The following ZSCAN32 variants were observed in gnomAD, a reference collection of about 807,000 sequenced individuals.
ZSCAN32 encodes zinc finger and SCAN domain containing 32, also known as zinc finger and SCAN domain-containing protein 32.
In ZSCAN32, 52 loss-of-function variants were observed where a neutral mutation model predicts 47.4. That is an observed-to-expected ratio of 1.10 (90% confidence interval 0.88 to 1.38). The LOEUF (loss-of-function observed/expected upper bound fraction) is 1.38, where lower values mean the gene tolerates loss of function less well. Among genes scored for constraint, ZSCAN32 ranks in the 40% most tolerant of loss-of-function variants. The probability of loss-of-function intolerance (pLI) is 0.00; values close to 1 mark genes in which losing one functional copy is unlikely to be tolerated. For synonymous variants in ZSCAN32, 346 were observed against 305.7 expected (o/e 1.13, Z -1.38); for missense variants, 959 against 846.0 (o/e 1.13, Z -1.66).
Position 3,382,989 on chromosome 16 carries a change from T to C in ZSCAN32, c.1957A>G (p.Lys653Glu), listed in dbSNP as rs760474370. Reference protein sequence around the residue: ...NNSSHFSAHRKTHTGEKPYRC... With the variant: ...NNSSHFSAHRETHTGEKPYRC... ...TAAGGCTTTTCACCAGTGTGGGTTT[T>C]TCGGTGGGCACTGAAGTGGGAGCTA... Residue 653 changes from lysine to glutamate, a missense_variant, in exon 7 of 7, where the codon AAA becomes GAA. Lys to Glu is a moderately conservative substitution (Grantham distance 56). Transcript: ENST00000396852. 46 of 1,614,132 alleles carry C rather than the reference T, an allele frequency of 2.8e-5. No homozygotes were observed. Among genetic ancestry groups the C allele is most frequent in the Non-Finnish European group, 3.7e-5 (44 of 1,179,984 alleles).
intron 3 of ZSCAN32, 134 bp from the exon 4 acceptor site, chr16:3,390,651 C>T: frequency 1.5e-6 from 1 of 669,092 alleles, no homozygotes. Flanking sequence ...ATTCTGGGGC[C>T]CCACCTCAGA....
Position 3,392,039 on chromosome 16 carries a change from C to T in ZSCAN32, c.533-1522G>A, listed in dbSNP as rs554377852. 1.7e-3 allele frequency among the ~76,000 whole-genome samples: 266 copies of T among 152,268 alleles called. 2 individuals carry two copies. The highest frequency in any genetic ancestry group is 6.1e-3 in the African/African-American group (253 of 41,538). ...GGAAAAAGACTTATAAAAATATAGA[C>T]CCTTGGAATATCCATGCAATGGAAT... On this transcript the variant is annotated intron_variant, in intron 3 of 6. Coordinates refer to ENST00000396852, the MANE Select transcript of ZSCAN32 (RefSeq NM_001284527.2).
Position 3,397,616 on chromosome 16 carries a change from T to G in ZSCAN32, c.-59A>C. On this transcript the variant is annotated 5_prime_UTR_variant, in exon 2 of 7. The change abolishes an upstream ATG in the 5' untranslated region. Transcript: ENST00000396852. ...CTTCTACCCTGGAGATCAGAGTCCA[T>G]CTTTCCCACATCACTGGGAAGCCAT... is the stretch of plus-strand genomic sequence containing the variant. 1 of 1,456,142 alleles carries G rather than the reference T, an allele frequency of 6.9e-7. No individual in the cohort carries two copies. The highest frequency in any genetic ancestry group is 9.1e-7 in the Non-Finnish European group (1 of 1,102,824). 90.2% of individuals were successfully genotyped at this position (1,456,142 alleles called of 1,614,324 possible).
At position 3,384,854 on chromosome 16, in the gene ZSCAN32, C is replaced by T. The variant is rs751056134; in HGVS notation, c.839G>A (p.Cys280Tyr). ...CCTGTAGATCTGGCTGTTCTGCTGA[C>T]AGGTCTGGAGTTTTCCATAAAATTG... The part of the protein sequence containing the change: ...SSQFYGKLQT[C>Y]QQNSQIYRAM... The change falls in exon 6 of 7, where the codon TGT (cysteine) becomes TAT (tyrosine). Residue 280 changes from cysteine to tyrosine, a missense_variant. Transcript: ENST00000396852. 1.9e-6 allele frequency: 3 copies of T among 1,614,028 alleles called. No individual in the cohort carries two copies. The highest frequency in any genetic ancestry group is 1.3e-5 in the African/African-American group (1 of 74,902).
Position 3,384,598 on chromosome 16 carries a change from C to T in ZSCAN32, c.1095G>A (p.Glu365=). ...TGGGTTCCCCATTCTGGTGATTCAG[C>T]TCTCCAGCCTCAATATCACTTCCTT... ...GQEGSDIEAG[E]LNHQNGEPTE... is the part of the protein sequence containing the mutation. Residue 365 remains glutamate, a synonymous_variant, in exon 6 of 7, where the codon GAG becomes GAA. Transcript: ENST00000396852. 1.9e-6 allele frequency: 3 copies of T among 1,614,192 alleles called. No homozygotes were observed. The highest frequency in any genetic ancestry group is 2.5e-6 in the Non-Finnish European group (3 of 1,180,020).
chr16:3,390,177 C>G, intron 4 of ZSCAN32, 44 bp from the exon 5 acceptor site: 1 of 1,546,970 alleles, frequency 6.5e-7, no homozygotes. Context: ...AATAGCACCA[C>G]TCTAGCCTGG....
chr16:3,384,600 C>G lies in ZSCAN32; in HGVS notation c.1093G>C (p.Glu365Gln). 1.2e-6 allele frequency: 2 copies of G among 1,614,220 alleles called. No individual in the cohort carries two copies. Among genetic ancestry groups the G allele is most frequent in the Admixed American group, 1.7e-5 (1 of 60,024 alleles). The change falls in exon 6 of 7, where the codon GAG becomes CAG. Residue 365 changes from glutamate (E) to glutamine (Q), a missense_variant. Transcript: ENST00000396852. ...GGTTCCCCATTCTGGTGATTCAGCT[C>G]TCCAGCCTCAATATCACTTCCTTCT... Reference protein sequence around the residue: ...GQEGSDIEAGELNHQNGEPTE... With the variant: ...GQEGSDIEAGQLNHQNGEPTE...
At position 3,393,674 on chromosome 16, in the gene ZSCAN32, G is replaced by A. The variant is rs1370145936; in HGVS notation, c.507C>T (p.His169=). The change falls in exon 3 of 7, where the codon CAC becomes CAT. Residue 169 remains histidine (H), a synonymous_variant. Transcript: ENST00000396852. ...EPTFKGSQSS[H]QRPGEQSEAW... ...CTTCTGACTGTTCCCCTGGTCTTTG[G>A]TGTGAGCTCTGTGATCCCTTAAAAG... The A allele has an allele frequency of 2.6e-6, 4 of 1,548,980 alleles. No individual in the cohort carries two copies. Among genetic ancestry groups the A allele is most frequent in the Non-Finnish European group, 3.5e-6 (4 of 1,146,406 alleles).
intron 3 of ZSCAN32, among the ~76,000 whole-genome samples, chr16:3,393,214 A>T (rs1365321416): frequency 7.9e-5 from 2 of 25,324 alleles, no homozygotes; most frequent in Non-Finnish European, 1.3e-4. Context: ...ATATTTATAT[A>T]TATATATATA....
Position 3,382,178 on chromosome 16 carries a change from T to A in ZSCAN32, c.*674A>T, listed in dbSNP as rs1216500142. ...TAAATTATTATCAGAAATAGTAATG[T>A]CTATAAACCACTTACTTTAAGAGAC... On this transcript the variant is annotated 3_prime_UTR_variant, in exon 7 of 7. Coordinates refer to ENST00000396852, the MANE Select transcript of ZSCAN32 (RefSeq NM_001284527.2). The A allele has an allele frequency of 6.6e-6, 1 of 152,220 alleles. No individual in the cohort carries two copies. Among genetic ancestry groups the A allele is most frequent in the Non-Finnish European group, 1.5e-5 (1 of 68,050 alleles). 9.4% of individuals were successfully genotyped at this position (152,220 alleles called of 1,614,324 possible).
At chr16:3,397,168 A>G in intron 2 of ZSCAN32, 24 bp downstream of exon 2, 2 of 1,484,312 alleles carry the variant, frequency 1.3e-6, no homozygotes, top group Non-Finnish European at 1.8e-6. Context: ...CCAAAACCAC[A>G]AAGTTCCGAC....
intron 3 of ZSCAN32, among the ~76,000 whole-genome samples, chr16:3,392,645 A>G (rs1046899037): frequency 2.0e-5 from 3 of 152,002 alleles, no homozygotes; most frequent in African/African-American, 7.2e-5. Context: ...GGCTAACACG[A>G]TGAAACGCCG....
chr16:3,383,651 A>G lies in ZSCAN32; in HGVS notation c.1295T>C (p.Val432Ala), dbSNP rs561308355. The change falls in exon 7 of 7, where the codon GTA becomes GCA. Residue 432 changes from valine to alanine, a missense_variant. Val to Ala is a moderately conservative substitution (Grantham distance 64). Transcript: ENST00000396852. ...TCTCTGTAAAGCCTTGTTTATTTCT[A>G]CTTCCTCTGAATCATCCCATTTTAG... is the stretch of plus-strand genomic sequence containing the variant. Reference protein sequence around the residue: ...ENLKWDDSEEVEINKALQRKS... With the variant: ...ENLKWDDSEEAEINKALQRKS... 9.3e-6 allele frequency: 15 copies of G among 1,611,290 alleles called. No individual in the cohort carries two copies. The highest frequency in any genetic ancestry group is 5.0e-5 in the Admixed American group (3 of 59,904).
At chr16:3,397,158 C>T in intron 2 of ZSCAN32, 34 bp downstream of exon 2, 2 of 1,479,534 alleles carry the variant, frequency 1.4e-6, no homozygotes, top group Non-Finnish European at 1.8e-6. Flanking sequence ...AACTTCATAA[C>T]CAAAACCACA....
intron 1 of ZSCAN32, among the ~76,000 whole-genome samples, chr16:3,399,428 C>CTCTCT (rs1339664417): frequency 3.9e-5 from 6 of 152,202 alleles, no homozygotes; most frequent in Admixed American, 2.0e-4. Context: ...CTATGTCCCA[C>CTCTCT]TCTCTACTCC....
At chr16:3,387,600 G>A (rs1030677270) in intron 5 of ZSCAN32, among the ~76,000 whole-genome samples, 9 of 152,178 alleles carry the variant, frequency 5.9e-5, no homozygotes, top group East Asian at 1.9e-4. Flanking sequence ...GCTCTGAAGC[G>A]CACCAGCCTC....
In ZSCAN32 at chr16:3,384,947, G is replaced by C. The variant is rs1299108059; in HGVS notation, c.752-6C>G. On this transcript the variant is annotated splice_polypyrimidine_tract_variant and splice_region_variant and intron_variant, in intron 5 of 6. Coordinates refer to ENST00000396852, the MANE Select transcript of ZSCAN32 (RefSeq NM_001284527.2). Reference sequence around the variant, plus strand: ...GCCCCAGGGCACACCTGTTGCTGGGGGACAAAGAATAGGTCAATTAGATCT... The same window carrying C: ...GCCCCAGGGCACACCTGTTGCTGGGCGACAAAGAATAGGTCAATTAGATCT... 3.1e-6 allele frequency: 5 copies of C among 1,608,238 alleles called. No individual in the cohort carries two copies.
intron 1 of ZSCAN32, among the ~76,000 whole-genome samples, chr16:3,398,074 C>G (rs1442974117): frequency 6.6e-6 from 1 of 152,312 alleles, no homozygotes; most frequent in Middle Eastern, 3.4e-3. Context: ...CTTCCCAAAA[C>G]TAAACTGCCT....
chr16:3,391,178 G>C (rs929325277), intron 3 of ZSCAN32, among the ~76,000 whole-genome samples: 14 of 152,216 alleles, frequency 9.2e-5, no homozygotes, highest in Non-Finnish European at 1.9e-4. Flanking sequence ...CTCCAGATCT[G>C]TGAGTGGCCC....
Sources: gnomAD v4.1 joint callset for allele counts (sites outside exome capture counted in the v4.1 genomes callset) on GRCh38, gnomAD v4.1.1 for gene constraint, MANE v1.5 for transcripts, NCBI Gene and HGNC (gene_info 2026-07-23, HGNC 2026-07-21) for gene names.